PCM1: variants seen among roughly 807,000 people sequenced by gnomAD.
PCM1 encodes pericentriolar material 1 protein.
In PCM1, 157 loss-of-function variants were observed where a neutral mutation model predicts 241.9. That is an observed-to-expected ratio of 0.65 (90% CI 0.57 to 0.74). The LOEUF is 0.74. PCM1 is among the 30% of genes least tolerant of loss of function. PCM1 has a pLI of 0.00. For synonymous variants in PCM1, 1,085 were observed against 784.9 expected (o/e 1.38, Z -6.39); for missense variants, 3,478 against 2,360.1 (o/e 1.47, Z -9.81).
intron 20 of PCM1, among the ~76,000 whole-genome samples, 174 bp from the exon 21 acceptor site, chr8:17,966,806 C>T (rs989476593): frequency 6.6e-6 from 1 of 152,140 alleles, no homozygotes; most frequent in Admixed American, 6.5e-5. Flanking sequence ...ATTTCTTGTT[C>T]CAGAGGGAAA....
At chr8:17,939,064 A>G (rs2061271109) in intron 5 of PCM1, 55 bp downstream of exon 5, 3 of 1,571,782 alleles carry the variant, frequency 1.9e-6, no homozygotes, top group Non-Finnish European at 2.6e-6. Flanking sequence ...AAATACCAAC[A>G]GTAAGGTTTA....
chr8:17,986,853 ATTAGCAAATAT>A (rs2082777237), intron 26 of PCM1, among the ~76,000 whole-genome samples: 1 of 151,962 alleles, frequency 6.6e-6, no homozygotes, highest in African/African-American at 2.4e-5. Flanking sequence ...TTCGTAGTTG[ATTAGCAAATAT>A]CAGCTATAGG....
rs1242805112 is a variant in PCM1, at chr8:17,938,943, C to T, written c.546C>T (p.Asp182=). Residue 182 remains aspartate (D), a synonymous_variant, in exon 5 of 39, where the codon GAC becomes GAT. Transcript: ENST00000325083. ...TGTTTGCTTCTGCTTTAAGTAATGACCTCTTGCAAAACTGTCAGGTGTCTG... is the reference window on the plus strand; with the variant it reads ...TGTTTGCTTCTGCTTTAAGTAATGATCTCTTGCAAAACTGTCAGGTGTCTG... The part of the protein sequence containing the change: ...KELFASALSN[D]LLQNCQVSEE... 1 of 1,613,624 alleles carries T rather than the reference C, an allele frequency of 6.2e-7. No homozygotes were observed. The highest frequency in any genetic ancestry group is 2.2e-5 in the East Asian group (1 of 44,862).
intron 1 of PCM1, among the ~76,000 whole-genome samples, chr8:17,923,672 G>C (rs559676878): frequency 6.6e-6 from 1 of 152,132 alleles, no homozygotes; most frequent in Non-Finnish European, 1.5e-5. Context: ...CGGATGAGGA[G>C]CGACGCGACT....
chr8:17,999,177 A>G (rs564706127), intron 29 of PCM1, among the ~76,000 whole-genome samples: 26 of 152,122 alleles, frequency 1.7e-4, no homozygotes, highest in Non-Finnish European at 3.4e-4. Context: ...GGTGCAAGAC[A>G]AAGTCCCCTT....
At chr8:17,990,240 T>G (rs768145443) in intron 27 of PCM1, among the ~76,000 whole-genome samples, 4 of 152,112 alleles carry the variant, frequency 2.6e-5, no homozygotes, top group Non-Finnish European at 5.9e-5. Context: ...GAAAATATAA[T>G]GTAACTTACT....
chr8:17,949,540 A>G (rs977988470), intron 7 of PCM1, among the ~76,000 whole-genome samples: 2 of 7,480 alleles, frequency 2.7e-4, no homozygotes, highest in African/African-American at 1.2e-3. Context: ...TCTGTCACCC[A>G]GGCTGGAATA....
In PCM1 at chr8:17,962,086, T is replaced by G; in HGVS notation, c.2375T>G (p.Val792Gly). 4 of 1,611,932 alleles carry G rather than the reference T, an allele frequency of 2.5e-6. No homozygotes were observed. Among genetic ancestry groups the G allele is most frequent in the Non-Finnish European group, 3.4e-6 (4 of 1,178,672 alleles). Residue 792 changes from valine (V) to glycine (G), a missense_variant, in exon 16 of 39, where the codon GTT (valine) becomes GGT (glycine). Transcript: ENST00000325083. ...NCPTKKYMPA[V>G]TSTPTVNQHE... ...CCCACCAAAAAATATATGCCAGCTG[T>G]TACTTCAACCCCAACTGTTAATCAA...
chr8:17,963,760 GGTC>G (rs2073628644), intron 17 of PCM1, among the ~76,000 whole-genome samples: 1 of 151,948 alleles, frequency 6.6e-6, no homozygotes, highest in South Asian at 2.1e-4. Flanking sequence ...TAAAAGAGTT[GGTC>G]ATCTATAAGA....
At position 17,937,174 on chromosome 8, in the gene PCM1, A is replaced by T. The variant is rs973982633; in HGVS notation, c.137A>T (p.Glu46Val). The change falls in exon 4 of 39, where the codon GAA becomes GTA. Residue 46 changes from glutamate (E) to valine (V), a missense_variant. Physicochemically the swap from Glu to Val is moderately radical, Grantham distance 121 (BLOSUM62 -2). Coordinates refer to ENST00000325083, the MANE Select transcript of PCM1 (RefSeq NM_006197.4). ...CAGAAGAAAGCAAATAGATCATCAG[A>T]AAAGAATAAGAAAAAGTTTGGTGTA... ...AQQKKANRSS[E>V]KNKKKFGVES... 5 of 1,582,498 alleles carry T rather than the reference A, an allele frequency of 3.2e-6. No homozygotes were observed. The East Asian group carries it at 1.1e-4, about 36-fold the overall frequency.
chr8:18,009,449 A>G (rs930286203), intron 30 of PCM1, 98 bp from the exon 31 acceptor site: 1 of 744,572 alleles, frequency 1.3e-6, no homozygotes, highest in Non-Finnish European at 2.2e-6. Context: ...CTTAGTAATC[A>G]TAAACATTAG....
intron 15 of PCM1, among the ~76,000 whole-genome samples, chr8:17,960,881 G>A (rs1163915721): frequency 1.3e-5 from 2 of 152,050 alleles, no homozygotes; most frequent in African/African-American, 4.8e-5. Context: ...TGAAGTGGAT[G>A]AACTAATGAA....
At chr8:18,022,238 C>T (rs1284990929) in intron 36 of PCM1, among the ~76,000 whole-genome samples, 3 of 152,124 alleles carry the variant, frequency 2.0e-5, no homozygotes, top group East Asian at 1.9e-4. Flanking sequence ...CAGGTGGCAT[C>T]GTGAAGTAAA....
rs752605112 is a variant in PCM1, at chr8:18,011,835, C to T, written c.5511+8C>T. 17 of 1,606,386 alleles carry T rather than the reference C, an allele frequency of 1.1e-5. No homozygotes were observed. The highest frequency in any genetic ancestry group is 1.6e-4 in the Middle Eastern group (1 of 6,066). On this transcript the variant is annotated splice_region_variant and intron_variant, in intron 34 of 38. Transcript: ENST00000325083. ...AATGAACATGATGAACAGGTATTCCCGTATTGACTGACACACTTCCATCAG... is the reference window on the plus strand; with the variant it reads ...AATGAACATGATGAACAGGTATTCCTGTATTGACTGACACACTTCCATCAG...
At chr8:17,940,504 C>T (rs1476359672) in intron 6 of PCM1, among the ~76,000 whole-genome samples, 1 of 152,158 alleles carries the variant, frequency 6.6e-6, no homozygotes, top group Non-Finnish European at 1.5e-5. Flanking sequence ...CAATAGGCAA[C>T]ATTAGTGATT....
chr8:17,997,216 C>G (rs566948891), intron 29 of PCM1, among the ~76,000 whole-genome samples: 30 of 151,900 alleles, frequency 2.0e-4, no homozygotes, highest in Admixed American at 1.6e-3. Context: ...TCATGACACT[C>G]TCTCCTGACC....
chr8:17,961,668 A>G (rs2129467871), intron 15 of PCM1, among the ~76,000 whole-genome samples: 1 of 152,294 alleles, frequency 6.6e-6, no homozygotes, highest in East Asian at 1.9e-4. Context: ...AAACAGGGCA[A>G]CTGTGTTCAT....
chr8:17,986,951 C>T (rs923442989), intron 26 of PCM1, among the ~76,000 whole-genome samples: 5 of 151,796 alleles, frequency 3.3e-5, no homozygotes, highest in African/African-American at 9.7e-5. Context: ...AGTGTTTTCT[C>T]AAAGGATTGT....
At chr8:17,983,607 T>C (rs1250377320) in intron 24 of PCM1, among the ~76,000 whole-genome samples, 1 of 152,184 alleles carries the variant, frequency 6.6e-6, no homozygotes, top group Non-Finnish European at 1.5e-5. Context: ...TTAGTATTTC[T>C]TAGACCTAGA....
Sources: gnomAD v4.1 joint callset for allele counts (sites outside exome capture counted in the v4.1 genomes callset) on GRCh38, gnomAD v4.1.1 for gene constraint, MANE v1.5 for transcripts, NCBI Gene and HGNC (gene_info 2026-07-23, HGNC 2026-07-21) for gene names.